The following LRIG1 variants were observed in gnomAD, a reference collection of about 807,000 sequenced individuals.
LRIG1 encodes leucine rich repeats and immunoglobulin like domains 1, also known as leucine-rich repeats and immunoglobulin-like domains protein 1.
Under a neutral mutation model 99.2 loss-of-function variants are expected in LRIG1, and 48 were observed. The observed-to-expected ratio is 0.48, with a 90% CI of 0.38 to 0.62. LRIG1 has a LOEUF of 0.62. LRIG1 is among the 20% of genes least tolerant of loss of function. LRIG1 has a pLI of 0.00. For missense variants in LRIG1, 1,646 were observed against 1,434.4 expected (o/e 1.15, Z -2.38); for synonymous variants, 772 against 596.1 (o/e 1.29, Z -4.30).
chr3:66,398,247 C>T (rs1701930209), intron 10 of LRIG1, 64 bp from the exon 11 acceptor site: 4 of 1,309,138 alleles, frequency 3.1e-6, no homozygotes, highest in East Asian at 2.3e-5. Flanking sequence ...GTTTTCAGGA[C>T]AGTCCTGGTT....
chr3:66,380,857 G>T lies in LRIG1; in HGVS notation c.2775C>A (p.His925Gln), dbSNP rs751682378. ...AGTCACTGCATACGACCCGGCCACC[G>T]TGTTCTGAAGGACAGCGCCAAAGAT... ...EGTPGPHKMEHGGRVVCSDCN... is the reference protein window; with the variant it reads ...EGTPGPHKMEQGGRVVCSDCN... Residue 925 changes from histidine (H) to glutamine (Q), a missense_variant, in exon 18 of 19, where the codon CAC becomes CAA. Transcript: ENST00000273261. 1.2e-6 allele frequency: 2 copies of T among 1,613,596 alleles called. No homozygotes were observed. Among genetic ancestry groups the T allele is most frequent in the South Asian group, 2.2e-5 (2 of 91,070 alleles).
chr3:66,439,064 C>A (rs1703456992), intron 3 of LRIG1, among the ~76,000 whole-genome samples: 1 of 152,200 alleles, frequency 6.6e-6, no homozygotes, highest in South Asian at 2.1e-4. Flanking sequence ...CTCGTTAACA[C>A]ACACTAGAGG....
intron 1 of LRIG1, among the ~76,000 whole-genome samples, chr3:66,465,357 A>ATTTTTTTTTTTTTTTTTTTT (rs59148647): frequency 1.5e-5 from 1 of 67,728 alleles, no homozygotes; most frequent in Non-Finnish European, 3.0e-5. Flanking sequence ...TCTGAGCATA[A>ATTTTTTTTTTTTTTTTTTTT]TTTTTTTTTT....
At chr3:66,482,084 A>G (rs1157467920) in intron 1 of LRIG1, among the ~76,000 whole-genome samples, 1 of 152,238 alleles carries the variant, frequency 6.6e-6, no homozygotes, top group Non-Finnish European at 1.5e-5. Flanking sequence ...CTGGCCACAG[A>G]CCGGGCAGCC....
intron 13 of LRIG1, 139 bp downstream of exon 13, chr3:66,385,842 G>C (rs1325580105): frequency 2.5e-6 from 2 of 795,894 alleles, no homozygotes; most frequent in Admixed American, 2.8e-5. Flanking sequence ...GCAAACCCAG[G>C]CAACAATAGG....
At position 66,413,119 on chromosome 3, in the gene LRIG1, C is replaced by T. The variant is rs1702521973; in HGVS notation, c.648-105G>A. 1.7e-5 allele frequency: 22 copies of T among 1,325,926 alleles called. 2 individuals carry two copies. The South Asian group carries it at 2.8e-4, about 17-fold the overall frequency. The allele number at this position is 1,325,926 out of a possible 1,614,324, so 82.1% of individuals were successfully genotyped here. ...AGTTTCCAAGCCAGAGGAGAAATCC[C>T]AGTGCAGGGATCCCTGGGAAGCCAG... On this transcript the variant is annotated intron_variant, in intron 5 of 18. Coordinates refer to ENST00000273261, the MANE Select transcript of LRIG1 (RefSeq NM_015541.3).
intron 11 of LRIG1, among the ~76,000 whole-genome samples, chr3:66,395,879 C>T (rs1054419136): frequency 6.6e-6 from 1 of 152,250 alleles, no homozygotes; most frequent in African/African-American, 2.4e-5. Flanking sequence ...CAAGAGGGCA[C>T]TTCCGTGCAG....
At chr3:66,473,703 G>A (rs921922759) in intron 1 of LRIG1, among the ~76,000 whole-genome samples, 3 of 152,194 alleles carry the variant, frequency 2.0e-5, no homozygotes, top group African/African-American at 4.8e-5. Flanking sequence ...AACTTTTCAA[G>A]AATACATCCG....
intron 1 of LRIG1, 105 bp downstream of exon 1, chr3:66,500,085 C>T (rs1559831276): frequency 2.3e-6 from 2 of 875,304 alleles, no homozygotes; most frequent in South Asian, 1.7e-5. Flanking sequence ...CAACTCCACA[C>T]ACACAACCCA....
intron 8 of LRIG1, chr3:66,406,369 T>C: frequency 1.0e-6 from 1 of 985,472 alleles, no homozygotes; most frequent in Non-Finnish European, 1.2e-6. Context: ...CTCTCCTTTC[T>C]GGCCCGCTCA....
chr3:66,477,921 C>T (rs1357094465), intron 1 of LRIG1, among the ~76,000 whole-genome samples: 1 of 151,820 alleles, frequency 6.6e-6, no homozygotes, highest in African/African-American at 2.4e-5. Context: ...GTTGTTGTTT[C>T]GACCAAAAAA....
At chr3:66,454,032 C>A (rs1270520747) in intron 2 of LRIG1, among the ~76,000 whole-genome samples, 1 of 152,138 alleles carries the variant, frequency 6.6e-6, no homozygotes, top group African/African-American at 2.4e-5. Context: ...CTTAACTGGG[C>A]CTTCTATGTC....
Position 66,383,406 on chromosome 3 carries a change from A to G in LRIG1, c.2072-5T>C, listed in dbSNP as rs755237949. 4 of 1,541,050 alleles carry G rather than the reference A, an allele frequency of 2.6e-6. No individual in the cohort carries two copies. The highest frequency in any genetic ancestry group is 2.3e-5 in the East Asian group (1 of 44,074). ...GGACCACCAAGGATGGGGTCTCTAC[A>G]AGAGAGCAACAGAGATCTTAGTCAT... is the stretch of plus-strand genomic sequence containing the variant. On this transcript the variant is annotated splice_region_variant and splice_polypyrimidine_tract_variant and intron_variant, in intron 14 of 18. Coordinates refer to ENST00000273261, the MANE Select transcript of LRIG1 (RefSeq NM_015541.3).
intron 1 of LRIG1, among the ~76,000 whole-genome samples, chr3:66,474,113 A>T (rs1700663012): frequency 6.6e-6 from 1 of 152,190 alleles, no homozygotes; most frequent in Non-Finnish European, 1.5e-5. Context: ...TATTGTACAC[A>T]GACTATGCTG....
chr3:66,489,016 G>A (rs1301480595), intron 1 of LRIG1, among the ~76,000 whole-genome samples: 2 of 151,816 alleles, frequency 1.3e-5, no homozygotes, highest in East Asian at 1.9e-4. Flanking sequence ...ATCAAAGATC[G>A]AAAGTGGATC....
intron 3 of LRIG1, among the ~76,000 whole-genome samples, chr3:66,448,284 C>T (rs190747855): frequency 2.0e-5 from 3 of 152,304 alleles, no homozygotes; most frequent in African/African-American, 7.2e-5. Flanking sequence ...TGGTGCCACC[C>T]AGCTTGGGAG....
intron 1 of LRIG1, among the ~76,000 whole-genome samples, chr3:66,478,017 A>G (rs1226617205): frequency 1.3e-5 from 2 of 152,166 alleles, no homozygotes; most frequent in Non-Finnish European, 2.9e-5. Context: ...GTGGGCCTGC[A>G]ATGGCTTCAA....
intron 12 of LRIG1, among the ~76,000 whole-genome samples, chr3:66,392,535 T>C (rs542038005): frequency 6.6e-6 from 1 of 150,810 alleles, no homozygotes; most frequent in South Asian, 2.1e-4. Context: ...GAGACTCCCA[T>C]AAAGCCTGAA....
intron 3 of LRIG1, among the ~76,000 whole-genome samples, chr3:66,429,787 GGTGTGT>G (rs35021380): frequency 1.0e-4 from 15 of 149,426 alleles, no homozygotes; most frequent in African/African-American, 3.4e-4. Flanking sequence ...AAACAGGGTG[GGTGTGT>G]GTGTGTGTGT....
Sources: allele counts gnomAD v4.1 joint callset (sites outside exome capture counted in the v4.1 genomes callset), GRCh38; gene constraint gnomAD v4.1.1; transcripts MANE v1.5; gene names NCBI Gene and HGNC (gene_info 2026-07-23, HGNC 2026-07-21).